The following GRID1 variants were observed in gnomAD, a reference collection of about 807,000 sequenced individuals.
GRID1 encodes glutamate receptor ionotropic, delta-1.
In GRID1, 28 loss-of-function variants were observed where a neutral mutation model predicts 98.0. That is an observed-to-expected ratio of 0.29 (90% CI 0.21 to 0.39). GRID1 has a LOEUF of 0.39. Ranked by LOEUF, GRID1 falls within the 10% of genes least tolerant of loss-of-function variation. GRID1 has a pLI of 1.00. For synonymous variants in GRID1, 553 were observed against 538.5 expected, an observed-to-expected ratio of 1.03 and a Z score of -0.37; for missense variants, 1,111 against 1,340.5, an observed-to-expected ratio of 0.83 and a Z score of 2.67.
intron 8 of GRID1, among the ~76,000 whole-genome samples, chr10:85,827,507 T>C (rs7077621): frequency 0.15 from 22,385 of 152,046 alleles, 1,888 homozygotes; most frequent in African/African-American, 0.21. Context: ...ACCAAATCTA[T>C]GACTCATAGG....
chr10:86,013,135 CCA>C (rs1174161345), intron 4 of GRID1, among the ~76,000 whole-genome samples: 1 of 152,142 alleles, frequency 6.6e-6, no homozygotes, highest in Non-Finnish European at 1.5e-5. Context: ...TAGCTGTTTT[CCA>C]ATTTCCCGAG....
intron 4 of GRID1, among the ~76,000 whole-genome samples, chr10:85,930,986 T>C (rs1236057932): frequency 6.6e-6 from 1 of 152,110 alleles, no homozygotes; most frequent in Non-Finnish European, 1.5e-5. Context: ...ATTACAGGTG[T>C]ATAACACTAT....
At chr10:86,254,063 G>A (rs537786987) in intron 2 of GRID1, among the ~76,000 whole-genome samples, 102 of 152,156 alleles carry the variant, frequency 6.7e-4, no homozygotes, top group African/African-American at 2.4e-3. Context: ...CAGACCTACA[G>A]CCAACAGCTT....
intron 4 of GRID1, among the ~76,000 whole-genome samples, chr10:85,961,429 C>T (rs1342564331): frequency 1.3e-5 from 2 of 152,218 alleles, no homozygotes; most frequent in Non-Finnish European, 1.5e-5. Flanking sequence ...GAGGAGGCCT[C>T]CCGCCACTTG....
chr10:86,188,382 G>A (rs1297318913), intron 3 of GRID1, among the ~76,000 whole-genome samples: 2 of 152,212 alleles, frequency 1.3e-5, no homozygotes, highest in African/African-American at 4.8e-5. Flanking sequence ...CCAGGCCAGA[G>A]GGAAAATGGG....
Position 85,992,073 on chromosome 10 carries a change from G to A in GRID1, c.727-75834C>T, listed in dbSNP as rs1448946974. On this transcript the variant is annotated intron_variant, in intron 4 of 15. Transcript: ENST00000327946. ...TTACTTCCCTGGGTGTGACAAGATG[G>A]GGCAATGAGCCAGCTGGTGCAAGTG... is the stretch of plus-strand genomic sequence containing the variant. 2.6e-5 allele frequency among the ~76,000 whole-genome samples: 4 copies of A among 152,130 alleles called. No individual in the cohort carries two copies. The East Asian group carries it at 7.7e-4, about 29-fold the overall frequency.
intron 13 of GRID1, among the ~76,000 whole-genome samples, chr10:85,637,591 AC>A (rs1426049085): frequency 6.6e-6 from 1 of 152,256 alleles, no homozygotes; most frequent in Non-Finnish European, 1.5e-5. Flanking sequence ...TGCTAAAGCT[AC>A]ACATTTAGTA....
intron 8 of GRID1, among the ~76,000 whole-genome samples, chr10:85,758,428 T>C (rs1842118696): frequency 1.3e-5 from 2 of 152,094 alleles, no homozygotes; most frequent in South Asian, 4.2e-4. Context: ...GGTGGGGCTG[T>C]GGTTTAGGAG....
At chr10:86,034,972 G>A (rs533390372) in intron 4 of GRID1, among the ~76,000 whole-genome samples, 6 of 151,840 alleles carry the variant, frequency 4.0e-5, no homozygotes, top group African/African-American at 1.5e-4. Context: ...TTGGATGGAT[G>A]GATGGTGGGT....
chr10:85,819,650 T>C (rs1842744693), intron 8 of GRID1, among the ~76,000 whole-genome samples: 1 of 152,140 alleles, frequency 6.6e-6, no homozygotes, highest in Non-Finnish European at 1.5e-5. Context: ...GGTTCATGCA[T>C]GTAATCTAAT....
At chr10:85,994,597 A>G (rs1842719227) in intron 4 of GRID1, among the ~76,000 whole-genome samples, 1 of 152,214 alleles carries the variant, frequency 6.6e-6, no homozygotes, top group African/African-American at 2.4e-5. Flanking sequence ...TGGTTGGAAT[A>G]TGGATACACA....
At chr10:86,340,506 T>C (rs1472718415) in intron 2 of GRID1, among the ~76,000 whole-genome samples, 2 of 151,958 alleles carry the variant, frequency 1.3e-5, no homozygotes, top group Admixed American at 6.6e-5. Flanking sequence ...AAGAAGCCAA[T>C]ACAGACGTCC....
At chr10:86,346,179 G>T (rs1434991962) in intron 2 of GRID1, among the ~76,000 whole-genome samples, 1 of 152,236 alleles carries the variant, frequency 6.6e-6, no homozygotes, top group Non-Finnish European at 1.5e-5. Context: ...GGTGTGGCCT[G>T]CCAGGGCAAC....
At chr10:85,828,003 G>A (rs1842834803) in intron 8 of GRID1, among the ~76,000 whole-genome samples, 1 of 151,798 alleles carries the variant, frequency 6.6e-6, no homozygotes, top group Non-Finnish European at 1.5e-5. Flanking sequence ...TTTGCACATG[G>A]CACATACTCT....
At chr10:85,985,747 T>TG (rs950683864) in intron 4 of GRID1, among the ~76,000 whole-genome samples, 2 of 152,058 alleles carry the variant, frequency 1.3e-5, no homozygotes, top group African/African-American at 4.8e-5. Flanking sequence ...AACCAACACC[T>TG]GGGGGTGGTG....
intron 13 of GRID1, among the ~76,000 whole-genome samples, chr10:85,639,831 A>G (rs1843094033): frequency 6.6e-6 from 1 of 152,212 alleles, no homozygotes; most frequent in Non-Finnish European, 1.5e-5. Flanking sequence ...TGAGATCACC[A>G]TTGCACTCCA....
At chr10:86,297,909 C>T (rs1248774791) in intron 2 of GRID1, among the ~76,000 whole-genome samples, 2 of 152,214 alleles carry the variant, frequency 1.3e-5, no homozygotes, top group East Asian at 1.9e-4. Context: ...AAAACAAAGG[C>T]TTAATTGCCA....
intron 13 of GRID1, among the ~76,000 whole-genome samples, chr10:85,640,687 G>A (rs1843106685): frequency 6.6e-6 from 1 of 152,306 alleles, no homozygotes; most frequent in South Asian, 2.1e-4. Context: ...CTCTGCCACA[G>A]GTGTAGTCCC....
chr10:85,868,133 T>C lies in GRID1; in HGVS notation c.951+877A>G, dbSNP rs151298330. Among the ~76,000 whole-genome samples the C allele has an allele frequency of 3.3e-4, 51 of 152,300 alleles. 1 individual carries two copies. In the Middle Eastern group the frequency reaches 0.014, roughly 41 times the overall value. ...GGCTGGGTAAAGATGGTGGAACTAG[T>C]TTCAAATGCTGAATGGCAAGCATAT... On this transcript the variant is annotated intron_variant, in intron 6 of 15. Transcript: ENST00000327946.
Sources: allele counts gnomAD v4.1 joint callset (sites outside exome capture counted in the v4.1 genomes callset), GRCh38; gene constraint gnomAD v4.1.1; transcripts MANE v1.5; gene names NCBI Gene and HGNC (gene_info 2026-07-23, HGNC 2026-07-21).